Variants in BACH2 observed in about 807,000 individuals in gnomAD.
The protein encoded by BACH2 is transcription regulator protein BACH2.
Under a neutral mutation model 61.8 loss-of-function variants are expected in BACH2, and 5 were observed. The ratio of observed to expected loss-of-function variants is 0.08; its 90% CI spans 0.04 to 0.17. The LOEUF (loss-of-function observed/expected upper bound fraction) is 0.17, where lower values mean the gene tolerates loss of function less well. BACH2 is among the 10% of genes least tolerant of loss of function. The pLI, the probability that BACH2 is intolerant of heterozygous loss-of-function variation, is 1.00. For synonymous variants in BACH2, 446 were observed against 440.1 expected (o/e 1.01, Z -0.17); for missense variants, 824 against 1,091.1 (o/e 0.76, Z 3.45).
chr6:89,944,248 GGTTGCTATGAAGA>G (rs1773602776), intron 7 of BACH2, among the ~76,000 whole-genome samples: 1 of 152,170 alleles, frequency 6.6e-6, no homozygotes, highest in East Asian at 1.9e-4. Context: ...TAGCTTACAG[GGTTGCTATGAAGA>G]ATACAACTGG....
At chr6:90,166,219 AC>A (rs1447173959) in intron 4 of BACH2, among the ~76,000 whole-genome samples, 1 of 152,220 alleles carries the variant, frequency 6.6e-6, no homozygotes, top group East Asian at 1.9e-4. Context: ...CAAGAAAAAA[AC>A]AACCCCATCA....
intron 6 of BACH2, among the ~76,000 whole-genome samples, chr6:89,984,349 T>A (rs1776121569): frequency 6.6e-6 from 1 of 151,986 alleles, no homozygotes; most frequent in Admixed American, 6.6e-5. Context: ...TTGTAAATTA[T>A]CTAAATTAGT....
At chr6:90,142,641 C>A (rs949223002) in intron 4 of BACH2, among the ~76,000 whole-genome samples, 14 of 152,026 alleles carry the variant, frequency 9.2e-5, no homozygotes, top group Non-Finnish European at 2.1e-4. Flanking sequence ...TTTGGCCAAA[C>A]AAAACCCCCT....
intron 4 of BACH2, among the ~76,000 whole-genome samples, chr6:90,180,639 A>G (rs1768125826): frequency 6.6e-6 from 1 of 152,142 alleles, no homozygotes; most frequent in Non-Finnish European, 1.5e-5. Flanking sequence ...TTAGCTTTCA[A>G]TTCCTGAATT....
At chr6:90,202,112 C>T (rs946546552) in intron 4 of BACH2, among the ~76,000 whole-genome samples, 7 of 152,138 alleles carry the variant, frequency 4.6e-5, no homozygotes, top group Non-Finnish European at 7.4e-5. Context: ...ACCTTTGCTA[C>T]GTTCATAATG....
intron 6 of BACH2, among the ~76,000 whole-genome samples, chr6:89,977,040 G>A (rs1309176883): frequency 1.3e-5 from 2 of 152,218 alleles, no homozygotes; most frequent in South Asian, 2.1e-4. Flanking sequence ...AACTTTTAAT[G>A]TTAATACTTT....
chr6:89,942,319 T>C (rs1272052799), intron 7 of BACH2, among the ~76,000 whole-genome samples: 1 of 152,074 alleles, frequency 6.6e-6, no homozygotes, highest in Non-Finnish European at 1.5e-5. Context: ...AGGACATGCC[T>C]CTCCCAGGCT....
intron 4 of BACH2, among the ~76,000 whole-genome samples, chr6:90,136,160 C>A (rs781602829): frequency 7.2e-5 from 11 of 152,180 alleles, no homozygotes; most frequent in African/African-American, 2.2e-4. Flanking sequence ...TGTGACTCTG[C>A]GCTGTTTTGT....
At chr6:90,145,654 T>A (rs1022357034) in intron 4 of BACH2, among the ~76,000 whole-genome samples, 1 of 152,218 alleles carries the variant, frequency 6.6e-6, no homozygotes, top group Non-Finnish European at 1.5e-5. Context: ...TGAAGTGACA[T>A]TCTCCCAAAT....
intron 6 of BACH2, among the ~76,000 whole-genome samples, chr6:89,959,084 T>C (rs1040535155): frequency 7.0e-6 from 1 of 142,588 alleles, no homozygotes; most frequent in African/African-American, 2.6e-5. Flanking sequence ...CAATAACACA[T>C]GCATGCACAA....
chr6:90,029,273 A>ATCC (rs1778816912), intron 5 of BACH2, among the ~76,000 whole-genome samples: 4 of 152,162 alleles, frequency 2.6e-5, no homozygotes, highest in Admixed American at 6.5e-5. Context: ...CATTCCAAGA[A>ATCC]CGAGGGGACT....
At chr6:90,232,906 G>A (rs2127860929) in intron 3 of BACH2, among the ~76,000 whole-genome samples, 1 of 152,160 alleles carries the variant, frequency 6.6e-6, no homozygotes, top group East Asian at 1.9e-4. Context: ...TGCTTTAGTG[G>A]GGAGTATCTC....
rs560451241 is a variant in BACH2, at chr6:90,212,511, T to C, written c.-274-5830A>G. 2.0e-5 allele frequency among the ~76,000 whole-genome samples: 3 copies of C among 152,278 alleles called. No individual in the cohort carries two copies. In the East Asian group the frequency reaches 5.8e-4, roughly 29 times the overall value. ...CCACATGGAGGCAGCAAACACACTATAACATGGTTCTGCCCCAAGAGACCA... is the reference window on the plus strand; with the variant it reads ...CCACATGGAGGCAGCAAACACACTACAACATGGTTCTGCCCCAAGAGACCA... On this transcript the variant is annotated intron_variant, in intron 3 of 8. Transcript: ENST00000257749.
intron 3 of BACH2, among the ~76,000 whole-genome samples, chr6:90,246,368 C>T (rs566500189): frequency 6.6e-6 from 1 of 152,302 alleles, no homozygotes; most frequent in Admixed American, 6.5e-5. Flanking sequence ...TTACTGTTGT[C>T]TACTGAAAAC....
rs565852775 is a variant in BACH2 at position 90,033,655 on chromosome 6, T to C, written c.-12-24799A>G. Among the ~76,000 whole-genome samples, 9 of 152,156 alleles carry C rather than the reference T, an allele frequency of 5.9e-5. No homozygotes were observed. The East Asian group carries it at 1.5e-3, about 26-fold the overall frequency. ...AGCATATGCGTTGTTAAATTCCCTA[T>C]TACAATGCTTTCAAAATTCTTTGAA... On this transcript the variant is annotated intron_variant, in intron 5 of 8. Transcript: ENST00000257749.
At chr6:90,019,053 AATT>A (rs1778236344) in intron 5 of BACH2, among the ~76,000 whole-genome samples, 1 of 152,168 alleles carries the variant, frequency 6.6e-6, no homozygotes, top group Non-Finnish European at 1.5e-5. Flanking sequence ...TTAGTTTTCA[AATT>A]ATTATTCTTT....
At chr6:89,988,596 CAGA>C (rs1360115562) in intron 6 of BACH2, among the ~76,000 whole-genome samples, 1 of 152,080 alleles carries the variant, frequency 6.6e-6, no homozygotes, top group Non-Finnish European at 1.5e-5. Flanking sequence ...GAAAAGAAAG[CAGA>C]AGATCTGACT....
At chr6:90,140,267 T>A (rs1448069168) in intron 4 of BACH2, among the ~76,000 whole-genome samples, 2 of 152,202 alleles carry the variant, frequency 1.3e-5, no homozygotes, top group Admixed American at 6.5e-5. Flanking sequence ...GCAGCTCAAC[T>A]ATACAAGGGA....
At chr6:90,208,746 A>T (rs1769236400) in intron 3 of BACH2, among the ~76,000 whole-genome samples, 1 of 152,218 alleles carries the variant, frequency 6.6e-6, no homozygotes, top group Admixed American at 6.5e-5. Context: ...ATAAAAACAC[A>T]TGCAGATATA....
Sources: allele counts gnomAD v4.1 joint callset (sites outside exome capture counted in the v4.1 genomes callset), GRCh38; gene constraint gnomAD v4.1.1; transcripts MANE v1.5; gene names NCBI Gene and HGNC (gene_info 2026-07-23, HGNC 2026-07-21).